The following SLC23A2 variants were observed in gnomAD, a reference collection of about 807,000 sequenced individuals.
SLC23A2 encodes Na(+)/L-ascorbic acid transporter 2.
Under a neutral mutation model 73.3 loss-of-function variants are expected in SLC23A2, and 36 were observed. That is an observed-to-expected ratio of 0.49 (90% CI 0.38 to 0.65). SLC23A2 has a LOEUF of 0.65. Ranked by LOEUF, SLC23A2 falls within the 30% of genes least tolerant of loss-of-function variation. SLC23A2 has a pLI of 0.00. For missense variants in SLC23A2, 507 were observed against 841.6 expected (o/e 0.60, Z 4.92); for synonymous variants, 343 against 327.3 (o/e 1.05, Z -0.52).
intron 7 of SLC23A2, 68 bp from the exon 8 acceptor site, chr20:4,884,891 T>A: frequency 2.2e-6 from 2 of 905,314 alleles, no homozygotes; most frequent in Non-Finnish European, 3.4e-6. Context: ...TCATTTTACC[T>A]TTTAAGAAGA....
upstream of SLC23A2, among the ~76,000 whole-genome samples, chr20:5,002,213 A>C (rs2088138497): frequency 6.6e-6 from 1 of 152,170 alleles, no homozygotes; most frequent in Non-Finnish European, 1.5e-5. Flanking sequence ...AGAGCTGGGC[A>C]GCCTCACTTT....
chr20:4,987,644 T>C (rs542283216), intron 1 of SLC23A2, among the ~76,000 whole-genome samples: 18 of 152,064 alleles, frequency 1.2e-4, no homozygotes, highest in Non-Finnish European at 2.2e-4. Context: ...GTCAGGAGAT[T>C]GAGACCATCC....
chr20:4,969,580 C>CT (rs1201990553), intron 2 of SLC23A2, among the ~76,000 whole-genome samples: 3,036 of 137,274 alleles, frequency 0.022, 94 homozygotes, highest in African/African-American at 0.065. Flanking sequence ...TGACAGCATC[C>CT]TTTTTTTTTT....
At chr20:4,915,666 G>A (rs1932295991) in intron 3 of SLC23A2, among the ~76,000 whole-genome samples, 2 of 152,272 alleles carry the variant, frequency 1.3e-5, no homozygotes, top group South Asian at 4.1e-4. Context: ...ATGCCAGAGA[G>A]GCCAGGCGCA....
intron 6 of SLC23A2, among the ~76,000 whole-genome samples, chr20:4,890,725 T>TATCC (rs370607100): frequency 2.6e-4 from 39 of 152,088 alleles, no homozygotes; most frequent in Admixed American, 6.5e-5. Flanking sequence ...TCATTTACTG[T>TATCC]ATCCATCCAT....
At chr20:4,997,901 T>C (rs1422087027) in intron 1 of SLC23A2, among the ~76,000 whole-genome samples, 1 of 152,040 alleles carries the variant, frequency 6.6e-6, no homozygotes, top group Non-Finnish European at 1.5e-5. Context: ...GGATTACAGG[T>C]GTGACCAACA....
At chr20:4,867,676 G>A (rs1930260675) in intron 13 of SLC23A2, 94 bp downstream of exon 13, 3 of 547,084 alleles carry the variant, frequency 5.5e-6, no homozygotes, top group Non-Finnish European at 9.5e-6. Flanking sequence ...TAGAACCAGA[G>A]GCCCGCCCAT....
At chr20:4,970,569 A>T (rs13037458) in intron 2 of SLC23A2, among the ~76,000 whole-genome samples, 1 of 151,652 alleles carries the variant, frequency 6.6e-6, no homozygotes, top group African/African-American at 2.4e-5. Flanking sequence ...CCCATCTCTA[A>T]GAAAAAAAAA....
intron 3 of SLC23A2, among the ~76,000 whole-genome samples, chr20:4,917,720 C>T (rs1932373934): frequency 6.6e-6 from 1 of 152,184 alleles, no homozygotes; most frequent in African/African-American, 2.4e-5. Context: ...CCCTGCTACC[C>T]TCCTGTTGCC....
chr20:4,991,712 A>C (rs538813846), intron 1 of SLC23A2, among the ~76,000 whole-genome samples: 2 of 128,260 alleles, frequency 1.6e-5, no homozygotes, highest in African/African-American at 5.9e-5. Context: ...ACAGAGAGAG[A>C]CTCCGTTTCA....
chr20:4,923,548 G>A (rs1416165305), intron 3 of SLC23A2, among the ~76,000 whole-genome samples: 2 of 152,056 alleles, frequency 1.3e-5, no homozygotes, highest in African/African-American at 4.8e-5. Context: ...CCAATTCCCT[G>A]GGCCGACTCC....
chr20:4,960,084 A>ATC (rs1229210892), intron 2 of SLC23A2, among the ~76,000 whole-genome samples: 1 of 152,196 alleles, frequency 6.6e-6, no homozygotes, highest in Non-Finnish European at 1.5e-5. Context: ...GTGAGCTATC[A>ATC]TACCTGGCCT....
At chr20:4,894,148 G>GA (rs1406309659) in intron 6 of SLC23A2, among the ~76,000 whole-genome samples, 1 of 152,172 alleles carries the variant, frequency 6.6e-6, no homozygotes, top group African/African-American at 2.4e-5. Context: ...GAGAACTGTT[G>GA]AAACCTCGCT....
intron 4 of SLC23A2, among the ~76,000 whole-genome samples, chr20:4,911,176 G>T (rs1187155670): frequency 6.6e-6 from 1 of 152,180 alleles, no homozygotes; most frequent in Non-Finnish European, 1.5e-5. Context: ...ATGTGCCTCA[G>T]CTGCAGACCA....
At position 4,937,758 on chromosome 20, in the gene SLC23A2, C is replaced by T. The variant is rs556062372; in HGVS notation, c.-154-5042G>A. Among the ~76,000 whole-genome samples the T allele has an allele frequency of 1.4e-4, 22 of 152,308 alleles. No homozygotes were observed. In the South Asian group the frequency reaches 4.6e-3, roughly 32 times the overall value. ...TAAATGCTCAGCTTACAGCTGTTTT[C>T]CCTGGACAAACACAGCCCAGGCCAG... On this transcript the variant is annotated intron_variant, in intron 2 of 16. Coordinates refer to ENST00000338244, the MANE Select transcript of SLC23A2 (RefSeq NM_005116.6).
At chr20:4,873,664 C>T (rs1167561562) in intron 11 of SLC23A2, among the ~76,000 whole-genome samples, 1 of 152,204 alleles carries the variant, frequency 6.6e-6, no homozygotes, top group Non-Finnish European at 1.5e-5. Flanking sequence ...AGAGCTTAAA[C>T]CTGGCAAGAG....
chr20:4,965,894 G>C (rs2087466852), intron 2 of SLC23A2, among the ~76,000 whole-genome samples: 1 of 151,418 alleles, frequency 6.6e-6, no homozygotes, highest in Non-Finnish European at 1.5e-5. Flanking sequence ...TTGAACCTGG[G>C]AGGCAGAGGT....
At chr20:4,986,706 A>T (rs1469668690) in intron 1 of SLC23A2, among the ~76,000 whole-genome samples, 1 of 151,410 alleles carries the variant, frequency 6.6e-6, no homozygotes, top group East Asian at 1.9e-4. Flanking sequence ...GAATATAAAT[A>T]GAGAGAAGTG....
chr20:4,976,109 TC>T (rs2087641701), intron 1 of SLC23A2, among the ~76,000 whole-genome samples: 1 of 151,754 alleles, frequency 6.6e-6, no homozygotes, highest in Non-Finnish European at 1.5e-5. Flanking sequence ...TGCCTCGCCC[TC>T]CCAAAGTGCT....
Sources: gnomAD v4.1 joint callset for allele counts (sites outside exome capture counted in the v4.1 genomes callset) on GRCh38, gnomAD v4.1.1 for gene constraint, MANE v1.5 for transcripts, NCBI Gene and HGNC (gene_info 2026-07-23, HGNC 2026-07-21) for gene names.